The following CNTN5 variants were observed in gnomAD, a reference collection of about 807,000 sequenced individuals.
The protein encoded by CNTN5 is contactin 5.
Under a neutral mutation model 129.1 loss-of-function variants are expected in CNTN5, and 77 were observed. That is an observed-to-expected ratio of 0.60 (90% CI 0.50 to 0.72). The LOEUF is 0.72. Among genes scored for constraint, CNTN5 ranks in the 30% least tolerant of loss-of-function variants. The probability of loss-of-function intolerance (pLI) is 0.00; values close to 1 mark genes in which losing one functional copy is unlikely to be tolerated. For missense variants in CNTN5, 1,478 were observed against 1,328.8 expected (o/e 1.11, Z -1.75); for synonymous variants, 509 against 465.6 (o/e 1.09, Z -1.20).
chr11:99,301,432 T>A (rs2135945424), intron 1 of CNTN5, among the ~76,000 whole-genome samples: 1 of 151,816 alleles, frequency 6.6e-6, no homozygotes, highest in East Asian at 1.9e-4. Flanking sequence ...TCAAGAGAAC[T>A]GGAATGGCTA....
chr11:100,132,186 C>G (rs191609035), intron 13 of CNTN5, among the ~76,000 whole-genome samples: 2 of 152,244 alleles, frequency 1.3e-5, no homozygotes, highest in Admixed American at 1.3e-4. Context: ...ACTGAGAACT[C>G]TTTGAGGGCC....
chr11:100,042,510 A>G (rs1438170749), intron 9 of CNTN5, among the ~76,000 whole-genome samples: 1 of 152,218 alleles, frequency 6.6e-6, no homozygotes, highest in Non-Finnish European at 1.5e-5. Flanking sequence ...TTGTCTGTGA[A>G]TAGTGATTTG....
At chr11:100,322,661 T>C (rs1951717826) in intron 21 of CNTN5, among the ~76,000 whole-genome samples, 4 of 152,214 alleles carry the variant, frequency 2.6e-5, no homozygotes, top group Admixed American at 2.6e-4. Context: ...GAGAATTATC[T>C]ATTTTACCAT....
intron 2 of CNTN5, among the ~76,000 whole-genome samples, chr11:99,398,856 C>G (rs1232127982): frequency 6.6e-6 from 1 of 151,718 alleles, no homozygotes; most frequent in Admixed American, 6.6e-5. Context: ...CACCTCTCTC[C>G]CTCCTACAAG....
chr11:100,150,573 GC>G (rs776261909), intron 13 of CNTN5, among the ~76,000 whole-genome samples: 4 of 151,488 alleles, frequency 2.6e-5, no homozygotes, highest in Non-Finnish European at 4.4e-5. Flanking sequence ...TATTTTTTGT[GC>G]CTTTTTTTCC....
At chr11:99,806,707 T>G (rs1253170400) in intron 3 of CNTN5, among the ~76,000 whole-genome samples, 1 of 151,420 alleles carries the variant, frequency 6.6e-6, no homozygotes, top group Non-Finnish European at 1.5e-5. Flanking sequence ...CTTGGGAGGC[T>G]GAGGCAGGAG....
intron 1 of CNTN5, among the ~76,000 whole-genome samples, chr11:99,299,900 A>T (rs1864555170): frequency 6.6e-6 from 1 of 152,092 alleles, no homozygotes; most frequent in African/African-American, 2.4e-5. Context: ...CTTTCCCTTC[A>T]GATAGATATA....
intron 3 of CNTN5, among the ~76,000 whole-genome samples, chr11:99,578,225 T>C (rs897054279): frequency 2.6e-5 from 4 of 151,998 alleles, no homozygotes; most frequent in African/African-American, 7.2e-5. Flanking sequence ...ATCCAGTCTA[T>C]CATTGTTGGA....
At chr11:99,970,068 C>A (rs930811607) in intron 8 of CNTN5, among the ~76,000 whole-genome samples, 19 of 152,152 alleles carry the variant, frequency 1.2e-4, no homozygotes, top group African/African-American at 4.1e-4. Flanking sequence ...GACTCCTAAT[C>A]TCATGATCAC....
chr11:99,615,756 TG>T (rs1274272130), intron 3 of CNTN5, among the ~76,000 whole-genome samples: 1 of 146,092 alleles, frequency 6.8e-6, no homozygotes, highest in Admixed American at 6.8e-5. Flanking sequence ...TTACACATCT[TG>T]TTTTTTTTTT....
chr11:100,016,218 G>A (rs951847380), intron 9 of CNTN5, among the ~76,000 whole-genome samples: 2 of 152,004 alleles, frequency 1.3e-5, no homozygotes, highest in African/African-American at 2.4e-5. Context: ...CCATAGATAC[G>A]GGAGAAGGGA....
intron 3 of CNTN5, among the ~76,000 whole-genome samples, chr11:99,726,859 T>G (rs2135065764): frequency 6.6e-6 from 1 of 152,212 alleles, no homozygotes; most frequent in African/African-American, 2.4e-5. Flanking sequence ...ATCAAAAAAT[T>G]TGTGATGATA....
At chr11:99,502,134 T>C (rs1946447845) in intron 2 of CNTN5, among the ~76,000 whole-genome samples, 1 of 152,198 alleles carries the variant, frequency 6.6e-6, no homozygotes, top group African/African-American at 2.4e-5. Context: ...ACAATTCAAT[T>C]GTATTATGTT....
chr11:100,133,526 T>TA (rs1377368215), intron 13 of CNTN5, among the ~76,000 whole-genome samples: 1 of 152,006 alleles, frequency 6.6e-6, no homozygotes, highest in African/African-American at 2.4e-5. Flanking sequence ...ACAAAGAAAA[T>TA]ATAATTATAG....
Position 100,210,219 on chromosome 11 carries a change from G to T in CNTN5, c.1885-14473G>T, listed in dbSNP as rs895408471. 4.7e-5 allele frequency among the ~76,000 whole-genome samples: 7 copies of T among 150,414 alleles called. No individual in the cohort carries two copies. The East Asian group carries it at 1.4e-3, about 29-fold the overall frequency. Reference sequence around the variant, plus strand: ...TACAAAAAATTATCCAGGCTTGATGGCATGTATCTGTAGTCCCAGCTACAA... The same window carrying T: ...TACAAAAAATTATCCAGGCTTGATGTCATGTATCTGTAGTCCCAGCTACAA... On this transcript the variant is annotated intron_variant, in intron 15 of 24. Coordinates refer to ENST00000524871, the MANE Select transcript of CNTN5 (RefSeq NM_014361.4).
chr11:99,034,185 G>A (rs1241422286), intron 1 of CNTN5, among the ~76,000 whole-genome samples: 1 of 152,090 alleles, frequency 6.6e-6, no homozygotes, highest in African/African-American at 2.4e-5. Context: ...ATTTTATTGA[G>A]GATTTTTGCA....
chr11:99,945,489 C>CGTGTGTGTGTGTGTGT (rs3990615), intron 7 of CNTN5, among the ~76,000 whole-genome samples: 2 of 148,892 alleles, frequency 1.3e-5, no homozygotes, highest in Non-Finnish European at 3.0e-5. Context: ...AACCTCTGTG[C>CGTGTGTGTGTGTGTGT]GTGTGTGTGT....
At chr11:99,921,075 T>G (rs1171646199) in intron 7 of CNTN5, among the ~76,000 whole-genome samples, 1 of 152,174 alleles carries the variant, frequency 6.6e-6, no homozygotes, top group Non-Finnish European at 1.5e-5. Context: ...AAACCAACCA[T>G]GCTGTCACCT....
chr11:99,318,833 A>G (rs1865449836), intron 1 of CNTN5, among the ~76,000 whole-genome samples: 1 of 152,206 alleles, frequency 6.6e-6, no homozygotes, highest in South Asian at 2.1e-4. Flanking sequence ...TTGACTCCAT[A>G]TCATGAATGG....
Sources: gnomAD v4.1 joint callset for allele counts (sites outside exome capture counted in the v4.1 genomes callset) on GRCh38, gnomAD v4.1.1 for gene constraint, MANE v1.5 for transcripts, NCBI Gene and HGNC (gene_info 2026-07-23, HGNC 2026-07-21) for gene names.